Variants in SLC10A7 observed in about 807,000 individuals in gnomAD.
SLC10A7 encodes the protein solute carrier family 10 member 7.
Under a neutral mutation model 43.2 loss-of-function variants are expected in SLC10A7, and 29 were observed. The observed-to-expected ratio is 0.67, with a 90% confidence interval of 0.50 to 0.92. The LOEUF (loss-of-function observed/expected upper bound fraction) is 0.92, where lower values mean the gene tolerates loss of function less well. Among genes scored for constraint, SLC10A7 ranks in the 40% least tolerant of loss-of-function variants. SLC10A7 has a pLI of 0.00. For missense variants in SLC10A7, 295 were observed against 403.2 expected (o/e 0.73, Z 2.30); for synonymous variants, 152 against 144.8 (o/e 1.05, Z -0.35).
At chr4:146,360,636 T>A (rs1163646172) in intron 5 of SLC10A7, among the ~76,000 whole-genome samples, 2 of 152,048 alleles carry the variant, frequency 1.3e-5, no homozygotes, top group Admixed American at 1.3e-4. Flanking sequence ...GTTTTTTTGT[T>A]AGTAGAGACA....
At chr4:146,445,584 T>C (rs1296024824) in intron 4 of SLC10A7, among the ~76,000 whole-genome samples, 1 of 152,180 alleles carries the variant, frequency 6.6e-6, no homozygotes, top group Non-Finnish European at 1.5e-5. Flanking sequence ...AGGTGTTAAC[T>C]AGCTCAGCGG....
At chr4:146,285,479 T>C (rs559407512) in intron 9 of SLC10A7, among the ~76,000 whole-genome samples, 3 of 152,334 alleles carry the variant, frequency 2.0e-5, no homozygotes, top group African/African-American at 4.8e-5. Context: ...TTTTCTCATA[T>C]GTAGAATGAG....
At chr4:146,446,675 C>A (rs942205941) in intron 4 of SLC10A7, among the ~76,000 whole-genome samples, 1 of 151,916 alleles carries the variant, frequency 6.6e-6, no homozygotes, top group Non-Finnish European at 1.5e-5. Flanking sequence ...TAAGCACCCA[C>A]TTGTTTGTTA....
At chr4:146,491,160 G>C (rs545237720) in intron 4 of SLC10A7, among the ~76,000 whole-genome samples, 4 of 152,256 alleles carry the variant, frequency 2.6e-5, no homozygotes, top group South Asian at 2.1e-4. Flanking sequence ...GATGGGCAAG[G>C]CTTCAACTAC....
chr4:146,263,126 T>C (rs1193551022), intron 10 of SLC10A7, among the ~76,000 whole-genome samples: 6 of 152,190 alleles, frequency 3.9e-5, no homozygotes, highest in African/African-American at 1.4e-4. Flanking sequence ...TCATCACCCA[T>C]TCATGACCCA....
At chr4:146,287,459 T>C (rs896104440) in intron 9 of SLC10A7, among the ~76,000 whole-genome samples, 9 of 151,936 alleles carry the variant, frequency 5.9e-5, no homozygotes, top group African/African-American at 2.2e-4. Context: ...GTGAAAAATA[T>C]GGAGATTTTT....
At chr4:146,509,572 C>T (rs1228923537) in intron 3 of SLC10A7, among the ~76,000 whole-genome samples, 1 of 152,156 alleles carries the variant, frequency 6.6e-6, no homozygotes, top group Non-Finnish European at 1.5e-5. Context: ...ACACATTATA[C>T]TCAGCTATTA....
chr4:146,316,014 A>G (rs1732300049), intron 6 of SLC10A7, among the ~76,000 whole-genome samples: 1 of 152,116 alleles, frequency 6.6e-6, no homozygotes, highest in Non-Finnish European at 1.5e-5. Flanking sequence ...CACAATTTCA[A>G]TTCCTGGCCT....
At chr4:146,516,947 A>G (rs1172483756) in intron 2 of SLC10A7, 91 bp downstream of exon 2, 2 of 969,360 alleles carry the variant, frequency 2.1e-6, no homozygotes, top group Non-Finnish European at 3.1e-6. Context: ...GATTATAGCT[A>G]TAAACAGCTT....
At chr4:146,461,784 A>AG (rs1732558215) in intron 4 of SLC10A7, among the ~76,000 whole-genome samples, 1 of 150,764 alleles carries the variant, frequency 6.6e-6, no homozygotes, top group Admixed American at 6.6e-5. Flanking sequence ...AAAAAAAAAA[A>AG]AAAAGATAGG....
At chr4:146,519,105 ATATAT>A (rs1738336123) in intron 1 of SLC10A7, among the ~76,000 whole-genome samples, 9 of 34,426 alleles carry the variant, frequency 2.6e-4, no homozygotes, top group South Asian at 1.9e-3. Flanking sequence ...ATATATATAT[ATATAT>A]ATAATATAAT....
Position 146,373,473 on chromosome 4 carries a change from C to CAAAA in SLC10A7, c.436-47481_436-47478dup, listed in dbSNP as rs3054691. Among the ~76,000 whole-genome samples, 921 of 128,316 alleles carry CAAAA rather than the reference C, an allele frequency of 7.2e-3. 12 individuals are homozygous for CAAAA. Among genetic ancestry groups the CAAAA allele is most frequent in the African/African-American group, 0.013 (437 of 33,804 alleles). 84.2% of individuals were successfully genotyped at this position (128,316 alleles called of 152,430 possible). On this transcript the variant is annotated intron_variant, in intron 5 of 11. Transcript: ENST00000335472. ...TAGGCGAGATAGCAAGACCCTGTCT[C>CAAAA]AAAAAAAAAAAAAAAATGTGATAAC...
chr4:146,506,519 A>G (rs1188482523), intron 3 of SLC10A7, among the ~76,000 whole-genome samples: 2 of 152,112 alleles, frequency 1.3e-5, no homozygotes, highest in Non-Finnish European at 2.9e-5. Context: ...CCCAGAGACC[A>G]TTCTCTTTAC....
chr4:146,473,194 T>C (rs1733728965), intron 4 of SLC10A7, among the ~76,000 whole-genome samples: 1 of 152,222 alleles, frequency 6.6e-6, no homozygotes, highest in African/African-American at 2.4e-5. Context: ...TAAGAAAAGT[T>C]GTGGACAGAT....
chr4:146,508,025 T>C lies in SLC10A7; in HGVS notation c.320+1888A>G, dbSNP rs115896914. On this transcript the variant is annotated intron_variant, in intron 3 of 11. Coordinates refer to ENST00000335472, the MANE Select transcript of SLC10A7 (RefSeq NM_001029998.6). ...CATGTTGTTATTCGCTTGTTGAGCATTTTTAACAGCTCTCTCTCCATCATC... is the reference window on the plus strand; with the variant it reads ...CATGTTGTTATTCGCTTGTTGAGCACTTTTAACAGCTCTCTCTCCATCATC... 4.7e-3 allele frequency among the ~76,000 whole-genome samples: 717 copies of C among 152,362 alleles called. 2 individuals carry two copies. The highest frequency in any genetic ancestry group is 0.016 in the African/African-American group (666 of 41,582).
At chr4:146,382,380 C>A (rs1188597360) in intron 5 of SLC10A7, among the ~76,000 whole-genome samples, 1 of 152,124 alleles carries the variant, frequency 6.6e-6, no homozygotes. Flanking sequence ...CATCATGTTA[C>A]AATTACTGTT....
intron 4 of SLC10A7, among the ~76,000 whole-genome samples, chr4:146,497,595 C>A (rs535737002): frequency 1.3e-5 from 2 of 152,246 alleles, no homozygotes; most frequent in East Asian, 1.9e-4. Flanking sequence ...TCGCTGAATT[C>A]TTCCTTTTCT....
At chr4:146,339,891 T>C (rs1025484051) in intron 5 of SLC10A7, among the ~76,000 whole-genome samples, 4 of 151,232 alleles carry the variant, frequency 2.6e-5, no homozygotes, top group Non-Finnish European at 1.5e-5. Context: ...ACATGTGTCA[T>C]GGTGGTCTGC....
intron 6 of SLC10A7, among the ~76,000 whole-genome samples, chr4:146,324,366 C>T (rs1381779250): frequency 1.3e-5 from 2 of 152,070 alleles, no homozygotes; most frequent in Non-Finnish European, 2.9e-5. Flanking sequence ...GCATTGCCAA[C>T]TCTTTGGTTC....
Sources: allele counts gnomAD v4.1 joint callset (sites outside exome capture counted in the v4.1 genomes callset), GRCh38; gene constraint gnomAD v4.1.1; transcripts MANE v1.5; gene names NCBI Gene and HGNC (gene_info 2026-07-23, HGNC 2026-07-21).